Variants in ARHGAP8 observed in about 807,000 individuals in gnomAD.
ARHGAP8 encodes the protein rho GTPase-activating protein 8.
A neutral mutation model predicts 46.1 loss-of-function variants in ARHGAP8; 62 were observed. The observed-to-expected ratio is 1.34, with a 90% CI of 1.10 to 1.66. The LOEUF (loss-of-function observed/expected upper bound fraction) is 1.66, where lower values mean the gene tolerates loss of function less well. Among genes scored for constraint, ARHGAP8 ranks in the 40% most tolerant of loss-of-function variants. The pLI is 0.00. For synonymous variants in ARHGAP8, 375 were observed against 243.1 expected (o/e 1.54, Z -5.05); for missense variants, 923 against 568.4 (o/e 1.62, Z -6.34).
At chr22:44,767,955 A>T (rs1352240699) in intron 1 of ARHGAP8, among the ~76,000 whole-genome samples, 7 of 122,240 alleles carry the variant, frequency 5.7e-5, no homozygotes, top group African/African-American at 2.2e-4. Flanking sequence ...TCTCTCCTAG[A>T]TTTGTCAGAT....
At chr22:44,793,320 G>C (rs1052137350) in intron 2 of ARHGAP8, among the ~76,000 whole-genome samples, 3 of 152,148 alleles carry the variant, frequency 2.0e-5, no homozygotes, top group Admixed American at 1.3e-4. Flanking sequence ...AGAGGTAGAC[G>C]CTCAGAGACG....
At chr22:44,775,338 C>T (rs578241690) in intron 1 of ARHGAP8, among the ~76,000 whole-genome samples, 28 of 152,346 alleles carry the variant, frequency 1.8e-4, no homozygotes, top group African/African-American at 6.7e-4. Flanking sequence ...GACTTGGCTG[C>T]TTCTCCCCTC....
intron 5 of ARHGAP8, among the ~76,000 whole-genome samples, chr22:44,818,425 G>C (rs1337455442): frequency 6.9e-6 from 1 of 145,282 alleles, no homozygotes; most frequent in Non-Finnish European, 1.5e-5. Context: ...CTCCAGCCTG[G>C]GCAACAAGAG....
At chr22:44,766,404 G>T (rs926583814) in intron 1 of ARHGAP8, among the ~76,000 whole-genome samples, 6 of 133,652 alleles carry the variant, frequency 4.5e-5, no homozygotes, top group African/African-American at 1.5e-4. Flanking sequence ...GTGTGGGCAC[G>T]TGTGTGTGTG....
At chr22:44,859,136 T>G (rs781159330) in intron 10 of ARHGAP8, among the ~76,000 whole-genome samples, 58 of 152,286 alleles carry the variant, frequency 3.8e-4, no homozygotes, top group African/African-American at 5.3e-4. Flanking sequence ...TGGAAGGTGG[T>G]GCTGCTGGCT....
intron 3 of ARHGAP8, among the ~76,000 whole-genome samples, chr22:44,802,421 T>C (rs1928624274): frequency 6.6e-6 from 1 of 152,184 alleles, no homozygotes; most frequent in Non-Finnish European, 1.5e-5. Flanking sequence ...GAGCTGTGGG[T>C]GCCTCCCTTT....
In ARHGAP8 at chr22:44,826,970, C is replaced by G. The variant is rs115042822; in HGVS notation, c.596+1377C>G. On this transcript the variant is annotated intron_variant, in intron 7 of 11. Transcript: ENST00000356099. ...GCAGAATCATGGCCCCCGACGAAGT[C>G]CATGCCCTCATTCCCAGAACCTGTG... 2.0e-3 allele frequency among the ~76,000 whole-genome samples: 304 copies of G among 152,266 alleles called. 2 individuals are homozygous for G. The highest frequency in any genetic ancestry group is 6.9e-3 in the African/African-American group (285 of 41,530).
At chr22:44,791,422 C>T (rs544448818) in intron 2 of ARHGAP8, among the ~76,000 whole-genome samples, 1 of 152,052 alleles carries the variant, frequency 6.6e-6, no homozygotes, top group Non-Finnish European at 1.5e-5. Flanking sequence ...AACCCAGCTT[C>T]GCCGGGCGCA....
At chr22:44,768,402 C>G (rs1399775962) in intron 1 of ARHGAP8, among the ~76,000 whole-genome samples, 1 of 151,860 alleles carries the variant, frequency 6.6e-6, no homozygotes, top group Non-Finnish European at 1.5e-5. Flanking sequence ...TGGGCTCAAG[C>G]AATCCTCCCA....
Position 44,862,659 on chromosome 22 carries a change from G to A in ARHGAP8, c.*64G>A, listed in dbSNP as rs2071763. The A allele has an allele frequency of 0.18, 265,299 of 1,488,812 alleles. 26,131 individuals are homozygous for A. The highest frequency in any genetic ancestry group is 0.37 in the East Asian group (16,154 of 43,420). The allele number at this position is 1,488,812 out of a possible 1,614,324, so 92.2% of individuals were successfully genotyped here. On this transcript the variant is annotated 3_prime_UTR_variant, in exon 12 of 12. Transcript: ENST00000356099. ...ACCTGTCTGTGCACTTGTATGTTTTGTAAACTTGGCATCTGTAAAAATAAC... is the reference window on the plus strand; with the variant it reads ...ACCTGTCTGTGCACTTGTATGTTTTATAAACTTGGCATCTGTAAAAATAAC...
intron 3 of ARHGAP8, among the ~76,000 whole-genome samples, chr22:44,806,973 A>AGG (rs1555913431): frequency 6.6e-6 from 1 of 150,732 alleles, no homozygotes; most frequent in African/African-American, 2.4e-5. Context: ...AAAAAAAAAA[A>AGG]GAAATCAAAC....
At chr22:44,828,341 G>A (rs1205596273) in intron 7 of ARHGAP8, among the ~76,000 whole-genome samples, 1 of 152,112 alleles carries the variant, frequency 6.6e-6, no homozygotes, top group Admixed American at 6.5e-5. Context: ...GCTGGGCGGG[G>A]CAGGCACCTG....
intron 10 of ARHGAP8, among the ~76,000 whole-genome samples, chr22:44,855,146 C>T (rs2070190446): frequency 6.6e-6 from 1 of 152,112 alleles, no homozygotes; most frequent in Non-Finnish European, 1.5e-5. Context: ...CTTGGTAATA[C>T]CATCAGAGGG....
chr22:44,776,487 A>G (rs557348352), intron 1 of ARHGAP8, among the ~76,000 whole-genome samples: 2 of 152,028 alleles, frequency 1.3e-5, no homozygotes, highest in African/African-American at 2.4e-5. Context: ...GCATCCTTGT[A>G]CTTGTTAAAA....
intron 7 of ARHGAP8, among the ~76,000 whole-genome samples, chr22:44,834,168 T>C (rs1483507380): frequency 6.6e-6 from 1 of 152,128 alleles, no homozygotes; most frequent in East Asian, 1.9e-4. Context: ...TCTTTATTAT[T>C]TTCTTCCTTC....
At chr22:44,848,875 C>G in intron 9 of ARHGAP8, 57 bp from the exon 10 acceptor site, 1 of 1,605,388 alleles carries the variant, frequency 6.2e-7, no homozygotes, top group Non-Finnish European at 8.5e-7. Flanking sequence ...GCTCGTTCTG[C>G]AGCGGCAGTG....
chr22:44,768,532 C>T (rs1925766918), intron 1 of ARHGAP8, among the ~76,000 whole-genome samples: 1 of 151,540 alleles, frequency 6.6e-6, no homozygotes, highest in African/African-American at 2.4e-5. Flanking sequence ...GTCTCTAACT[C>T]CTGGGGTCCA....
At chr22:44,792,789 G>C (rs555741306) in intron 2 of ARHGAP8, among the ~76,000 whole-genome samples, 1 of 123,522 alleles carries the variant, frequency 8.1e-6, no homozygotes, top group Non-Finnish European at 1.7e-5. Flanking sequence ...TGACACTAAC[G>C]ACAGTGGTGG....
intron 7 of ARHGAP8, among the ~76,000 whole-genome samples, chr22:44,834,340 A>T (rs1265794334): frequency 6.6e-6 from 1 of 152,044 alleles, no homozygotes; most frequent in Non-Finnish European, 1.5e-5. Flanking sequence ...GATTTTAATT[A>T]ATCTTAAAGT....
Sources: allele counts gnomAD v4.1 joint callset (sites outside exome capture counted in the v4.1 genomes callset), GRCh38; gene constraint gnomAD v4.1.1; transcripts MANE v1.5; gene names NCBI Gene and HGNC (gene_info 2026-07-23, HGNC 2026-07-21).